The following SLC35E4 variants were observed in gnomAD, a reference collection of about 807,000 sequenced individuals.
The protein encoded by SLC35E4 is solute carrier family 35 member E4.
In SLC35E4, 15 loss-of-function variants were observed where a neutral mutation model predicts 19.3. That is an observed-to-expected ratio of 0.78 (90% CI 0.52 to 1.20). SLC35E4 has a LOEUF of 1.20. SLC35E4 is among the 50% of genes most tolerant of loss of function. The probability of loss-of-function intolerance (pLI) is 0.00; values close to 1 mark genes in which losing one functional copy is unlikely to be tolerated. For missense variants in SLC35E4, 406 were observed against 472.3 expected, an observed-to-expected ratio of 0.86 and a Z score of 1.30; for synonymous variants, 219 against 219.9, an observed-to-expected ratio of 1.00 and a Z score of 0.04.
At position 30,636,741 on chromosome 22, in the gene SLC35E4, G is replaced by T; in HGVS notation, c.291G>T (p.Gly97=). ...TGGCAGCCCTGGCATGCCACCGGGG[G>T]GCACGGCGCCCCATGCCAGGCGGCA... ...MLVAALACHR[G]ARRPMPGGTR... is the part of the protein sequence containing the mutation. Residue 97 remains glycine, a synonymous_variant, in exon 1 of 2, where the codon GGG becomes GGT. Coordinates refer to ENST00000343605, the MANE Select transcript of SLC35E4 (RefSeq NM_001001479.4). 2 of 1,612,052 alleles carry T rather than the reference G, an allele frequency of 1.2e-6. No individual in the cohort carries two copies. The highest frequency in any genetic ancestry group is 8.5e-7 in the Non-Finnish European group (1 of 1,179,354).
Position 30,636,737 on chromosome 22 carries a change from G to T in SLC35E4, c.287G>T (p.Arg96Leu). ...HMLVAALACHRGARRPMPGGT... is the reference protein window; with the variant it reads ...HMLVAALACHLGARRPMPGGT... Reference sequence around the variant, plus strand: ...CTGGTGGCAGCCCTGGCATGCCACCGGGGGGCACGGCGCCCCATGCCAGGC... The same window carrying T: ...CTGGTGGCAGCCCTGGCATGCCACCTGGGGGCACGGCGCCCCATGCCAGGC... Residue 96 changes from arginine (R) to leucine (L), a missense_variant, in exon 1 of 2, where the codon CGG becomes CTG. Physicochemically the swap from Arg to Leu is moderately radical, Grantham distance 102. Transcript: ENST00000343605. 6.2e-7 allele frequency: 1 copy of T among 1,611,752 alleles called. No individual in the cohort carries two copies. The highest frequency in any genetic ancestry group is 8.5e-7 in the Non-Finnish European group (1 of 1,179,142).
Position 30,653,373 on chromosome 22 carries a change from T to C in SLC35E4, c.*8+4120T>C, listed in dbSNP as rs564123546. Among the ~76,000 whole-genome samples, 1,304 of 149,610 alleles carry C rather than the reference T, an allele frequency of 8.7e-3. 18 individuals are homozygous for C. The highest frequency in any genetic ancestry group is 0.014 in the Middle Eastern group (4 of 278). On this transcript the variant is annotated intron_variant, in intron 2 of 2. Coordinates refer to the SLC35E4 transcript ENST00000406566. ...AACCCTCATGTGCCCCCTTCCTCCT[T>C]CTTTTTTTTTTTTTTTGAGACAGAG...
At chr22:30,666,515 A>C (rs2088670852), downstream of SLC35E4, among the ~76,000 whole-genome samples, 1 of 148,070 alleles carries the variant, frequency 6.8e-6, no homozygotes, top group African/African-American at 2.5e-5. Flanking sequence ...CCAGCTACTC[A>C]GGAGGCTGAG....
downstream of SLC35E4, among the ~76,000 whole-genome samples, chr22:30,651,429 T>A (rs13056257): frequency 1.9e-3 from 56 of 29,554 alleles, no homozygotes; most frequent in African/African-American, 5.1e-3. Flanking sequence ...ATATATATAT[T>A]TTTTTTTTTT....
chr22:30,636,817 T>TGC lies in SLC35E4; in HGVS notation c.369_370dup (p.Gly124AlafsTer6), dbSNP rs759363814. On this transcript the variant is annotated frameshift_variant, in exon 1 of 2. Coordinates refer to ENST00000343605, the MANE Select transcript of SLC35E4 (RefSeq NM_001001479.4). LOFTEE classifies it high-confidence loss of function. ...TCTCACCTTTGGCACGTCCATGGCC[T>TGC]GCGGCAACGTGGGCCTAAGGGCTGT... is the stretch of plus-strand genomic sequence containing the variant. 6.2e-7 allele frequency: 1 copy of TGC among 1,612,798 alleles called. No homozygotes were observed. The highest frequency in any genetic ancestry group is 8.5e-7 in the Non-Finnish European group (1 of 1,179,610).
At chr22:30,658,882 C>T (rs1472152308) in intron 2 of SLC35E4, among the ~76,000 whole-genome samples, 1 of 152,022 alleles carries the variant, frequency 6.6e-6, no homozygotes, top group Non-Finnish European at 1.5e-5. Flanking sequence ...CGGTGGCTCA[C>T]GCCTGTAATC....
downstream of SLC35E4, among the ~76,000 whole-genome samples, chr22:30,650,571 T>C (rs1434224901): frequency 6.6e-6 from 1 of 152,182 alleles, no homozygotes; most frequent in Admixed American, 6.6e-5. Context: ...TTGGTACATC[T>C]GAGCTCTGTG....
At position 30,645,002 on chromosome 22, in the gene SLC35E4, C is replaced by G. The variant is rs142657095; in HGVS notation, c.620-1596C>G. 2.1e-4 allele frequency among the ~76,000 whole-genome samples: 32 copies of G among 152,240 alleles called. No homozygotes were observed. The East Asian group carries it at 6.2e-3, about 29-fold the overall frequency. On this transcript the variant is annotated intron_variant, in intron 1 of 1. Transcript: ENST00000343605. The stretch of plus-strand genomic sequence containing the variant: ...AGGAAAAAAAAAAGATGCTGATTAT[C>G]AGTTATAAACAGTGAGTGAGAGCCA...
Position 30,655,427 on chromosome 22 carries a change from A to AT in SLC35E4, c.*8+6174_*8+6175insT, listed in dbSNP as rs199839951. Among the ~76,000 whole-genome samples the AT allele has an allele frequency of 4.9e-4, 14 of 28,332 alleles. 3 individuals are homozygous for AT. The East Asian group carries it at 7.1e-3, about 14-fold the overall frequency. The allele number at this position is 28,332 out of a possible 152,430, so 18.6% of individuals were successfully genotyped here. ...ACTCTGGGTAACAGAGTGAGATCCTACCAAAAAAAAAAAAAAAAAAAGAAA... is the reference window on the plus strand; with the variant it reads ...ACTCTGGGTAACAGAGTGAGATCCTATCCAAAAAAAAAAAAAAAAAAAGAAA... On this transcript the variant is annotated intron_variant, in intron 2 of 2. Transcript: ENST00000406566.
chr22:30,651,397 GTGTATATATATATA>G (rs1435723135), downstream of SLC35E4, among the ~76,000 whole-genome samples: 2 of 52,638 alleles, frequency 3.8e-5, no homozygotes, highest in Admixed American at 2.9e-4. Flanking sequence ...GTGTGTGTGT[GTGTATATATATATA>G]TATATATATA....
In SLC35E4 at chr22:30,636,370, C is replaced by T; in HGVS notation, c.-81C>T. On this transcript the variant is annotated 5_prime_UTR_variant, in exon 1 of 2. Coordinates refer to ENST00000343605, the MANE Select transcript of SLC35E4 (RefSeq NM_001001479.4). ...CGGGGTCGGAGGAACCAGGATCTAGCCTGGCCCCAAGCGGAACTCTCTGGT... is the reference window on the plus strand; with the variant it reads ...CGGGGTCGGAGGAACCAGGATCTAGTCTGGCCCCAAGCGGAACTCTCTGGT... 4.2e-6 allele frequency: 6 copies of T among 1,430,730 alleles called. No homozygotes were observed. Among genetic ancestry groups the T allele is most frequent in the Non-Finnish European group, 5.5e-6 (6 of 1,093,572 alleles). The allele number at this position is 1,430,730 out of a possible 1,614,324, so 88.6% of individuals were successfully genotyped here.
At chr22:30,664,262 T>C (rs1051745428), downstream of SLC35E4, among the ~76,000 whole-genome samples, 1 of 152,142 alleles carries the variant, frequency 6.6e-6, no homozygotes, top group African/African-American at 2.4e-5. Flanking sequence ...AAACCCACAG[T>C]CAGACTCTCG....
chr22:30,653,270 T>C (rs2088260237), intron 2 of SLC35E4, among the ~76,000 whole-genome samples: 1 of 152,108 alleles, frequency 6.6e-6, no homozygotes, highest in South Asian at 2.1e-4. Context: ...CTTCGGCTAT[T>C]GGGGGGCCAC....
chr22:30,652,363 A>C (rs1450805746), downstream of SLC35E4: 1 of 152,236 alleles, frequency 6.6e-6, no homozygotes, highest in African/African-American at 2.4e-5. Flanking sequence ...TGCAGCCTCC[A>C]GCTGCATGAC....
downstream of SLC35E4, chr22:30,665,071 C>G (rs1442468520): frequency 1.3e-5 from 2 of 153,482 alleles, no homozygotes; most frequent in East Asian, 1.9e-4. Flanking sequence ...CCTGGGTGCC[C>G]AGAGCATTCA....
chr22:30,641,957 G>C (rs561503255), intron 1 of SLC35E4, among the ~76,000 whole-genome samples: 52 of 152,196 alleles, frequency 3.4e-4, no homozygotes, highest in Non-Finnish European at 5.7e-4. Context: ...CACTAACAGA[G>C]ATAGGAGCCC....
At chr22:30,666,094 A>C (rs2088646475), downstream of SLC35E4, among the ~76,000 whole-genome samples, 1 of 152,224 alleles carries the variant, frequency 6.6e-6, no homozygotes, top group Non-Finnish European at 1.5e-5. Flanking sequence ...ATGAAGGGCA[A>C]AGAAAAAGCC....
downstream of SLC35E4, among the ~76,000 whole-genome samples, chr22:30,649,478 C>T (rs2088178132): frequency 6.6e-6 from 1 of 150,512 alleles, no homozygotes; most frequent in Non-Finnish European, 1.5e-5. Flanking sequence ...AGTAAAGGGC[C>T]AGCCCACGGC....
intron 1 of SLC35E4, among the ~76,000 whole-genome samples, chr22:30,638,633 G>A (rs1315782324): frequency 6.6e-6 from 1 of 151,544 alleles, no homozygotes. Context: ...CCAACATGGG[G>A]AAACCCTGTC....
Sources: allele counts gnomAD v4.1 joint callset (sites outside exome capture counted in the v4.1 genomes callset), GRCh38; gene constraint gnomAD v4.1.1; transcripts MANE v1.5; gene names NCBI Gene and HGNC (gene_info 2026-07-23, HGNC 2026-07-21).